Variants in MIR2052HG observed in about 807,000 individuals in gnomAD.
MIR2052HG encodes MIR2052 host gene.
intron 1 of MIR2052HG, among the ~76,000 whole-genome samples, chr8:74,612,249 G>T (rs1808208698): frequency 6.6e-6 from 1 of 152,198 alleles, no homozygotes; most frequent in Non-Finnish European, 1.5e-5. Flanking sequence ...AGAATTACAA[G>T]TGAGAAAGTG....
intron 4 of MIR2052HG, among the ~76,000 whole-genome samples, chr8:74,739,579 A>T (rs1191634796): frequency 6.6e-6 from 1 of 152,174 alleles, no homozygotes; most frequent in Non-Finnish European, 1.5e-5. Flanking sequence ...TGCAAAGGTC[A>T]TGTAAATATA....
At chr8:74,702,225 T>C (rs1224274056) in intron 2 of MIR2052HG, 1 of 197,986 alleles carries the variant, frequency 5.1e-6, no homozygotes, top group African/African-American at 2.3e-5. Flanking sequence ...CAAATGCCTT[T>C]ATAGGAGTTC....
At chr8:74,637,299 T>G (rs1000583227) in intron 2 of MIR2052HG, among the ~76,000 whole-genome samples, 3 of 152,042 alleles carry the variant, frequency 2.0e-5, no homozygotes, top group Non-Finnish European at 2.9e-5. Context: ...AGGTTGGAGA[T>G]AGGACTGAAA....
intron 2 of MIR2052HG, among the ~76,000 whole-genome samples, chr8:74,696,053 A>G (rs993886380): frequency 6.6e-6 from 1 of 152,160 alleles, no homozygotes; most frequent in Non-Finnish European, 1.5e-5. Flanking sequence ...ACATTCTCCA[A>G]GATAAACCAT....
At chr8:74,629,713 A>T (rs1323743425) in intron 2 of MIR2052HG, among the ~76,000 whole-genome samples, 1 of 152,144 alleles carries the variant, frequency 6.6e-6, no homozygotes, top group Non-Finnish European at 1.5e-5. Flanking sequence ...AAGGTATCTG[A>T]GTGGTGCACC....
At chr8:74,732,196 C>T (rs189881620) in intron 4 of MIR2052HG, among the ~76,000 whole-genome samples, 4 of 152,190 alleles carry the variant, frequency 2.6e-5, no homozygotes, top group Admixed American at 1.3e-4. Flanking sequence ...AGTATAACAG[C>T]TATTTGCGTG....
chr8:74,703,200 A>G (rs1809375257), intron 3 of MIR2052HG, among the ~76,000 whole-genome samples: 1 of 152,022 alleles, frequency 6.6e-6, no homozygotes, highest in South Asian at 2.1e-4. Context: ...ACTGATGGTG[A>G]CCAAATCTTG....
At chr8:74,698,837 C>A (rs1255092287) in intron 2 of MIR2052HG, among the ~76,000 whole-genome samples, 1 of 152,086 alleles carries the variant, frequency 6.6e-6, no homozygotes, top group African/African-American at 2.4e-5. Flanking sequence ...TGCGGCAAAG[C>A]ACCACGGCAC....
intron 2 of MIR2052HG, among the ~76,000 whole-genome samples, chr8:74,621,286 C>T (rs2128732702): frequency 6.6e-6 from 1 of 152,326 alleles, no homozygotes; most frequent in South Asian, 2.1e-4. Context: ...CCAAACTGTT[C>T]CAATCTGTGC....
chr8:74,651,835 C>A (rs924338032), intron 2 of MIR2052HG, among the ~76,000 whole-genome samples: 12 of 152,084 alleles, frequency 7.9e-5, no homozygotes, highest in Admixed American at 7.2e-4. Flanking sequence ...GAAGCACAGA[C>A]CTTGGTATGT....
chr8:74,711,934 G>A (rs532491702), intron 4 of MIR2052HG, among the ~76,000 whole-genome samples: 5 of 152,206 alleles, frequency 3.3e-5, no homozygotes, highest in East Asian at 3.9e-4. Flanking sequence ...ACATGGCTGC[G>A]GCTGGAAGAA....
chr8:74,696,297 C>G (rs538044819), intron 2 of MIR2052HG, among the ~76,000 whole-genome samples: 127 of 152,140 alleles, frequency 8.3e-4, no homozygotes, highest in Middle Eastern at 3.4e-3. Flanking sequence ...CACAACCTCT[C>G]AAAACCTCTG....
intron 2 of MIR2052HG, among the ~76,000 whole-genome samples, chr8:74,614,499 G>T (rs1808249432): frequency 6.6e-6 from 1 of 151,656 alleles, no homozygotes; most frequent in Admixed American, 6.6e-5. Flanking sequence ...TCATATATTT[G>T]GGTTCTAGTT....
At chr8:74,729,572 T>TA (rs1456171123) in intron 4 of MIR2052HG, among the ~76,000 whole-genome samples, 1 of 152,054 alleles carries the variant, frequency 6.6e-6, no homozygotes, top group Non-Finnish European at 1.5e-5. Context: ...TTCTATATGA[T>TA]AAAAAAATCA....
At chr8:74,753,014 G>T (rs1480011025) in intron 5 of MIR2052HG, among the ~76,000 whole-genome samples, 1 of 152,184 alleles carries the variant, frequency 6.6e-6, no homozygotes, top group Non-Finnish European at 1.5e-5. Flanking sequence ...TTAAATGGGG[G>T]AAATGTGTTT....
At chr8:74,634,523 T>C (rs530687791) in intron 2 of MIR2052HG, among the ~76,000 whole-genome samples, 1 of 152,324 alleles carries the variant, frequency 6.6e-6, no homozygotes, top group Admixed American at 6.5e-5. Context: ...CTTAAATTTT[T>C]TTTTGAGTTT....
At chr8:74,626,731 C>T (rs1177025833) in intron 2 of MIR2052HG, among the ~76,000 whole-genome samples, 1 of 152,172 alleles carries the variant, frequency 6.6e-6, no homozygotes, top group Non-Finnish European at 1.5e-5. Context: ...CCATATTTTG[C>T]TGACAGGCCA....
rs1239061504 is a variant in MIR2052HG, at chr8:74,726,197, GA to G, written n.371+22522del. Among the ~76,000 whole-genome samples the G allele has an allele frequency of 2.6e-5, 4 of 151,592 alleles. No homozygotes were observed. The East Asian group carries it at 7.7e-4, about 29-fold the overall frequency. On this transcript the variant is annotated intron_variant and non_coding_transcript_variant, in intron 4 of 6. Coordinates refer to ENST00000523442, the Ensembl canonical transcript of MIR2052HG. Reference sequence around the variant, plus strand: ...GACAGGGTGAGACTCCATCTCAAAAGAAAAAAAGAATTAATCTTGATAGTCA... The same window carrying G: ...GACAGGGTGAGACTCCATCTCAAAAGAAAAAAGAATTAATCTTGATAGTCA...
chr8:74,635,561 A>G (rs1052711825), intron 2 of MIR2052HG, among the ~76,000 whole-genome samples: 49 of 152,324 alleles, frequency 3.2e-4, no homozygotes, highest in African/African-American at 1.1e-3. Flanking sequence ...GTCGAGGGAA[A>G]TAAAGTTCGA....
Sources: allele counts gnomAD v4.1 joint callset (sites outside exome capture counted in the v4.1 genomes callset), GRCh38; gene constraint gnomAD v4.1.1; transcripts MANE v1.5; gene names NCBI Gene and HGNC (gene_info 2026-07-23, HGNC 2026-07-21).